SALL3: variants seen among roughly 807,000 people sequenced by gnomAD.
SALL3 encodes the protein sal-like protein 3.
In SALL3, 25 loss-of-function variants were observed where a neutral mutation model predicts 66.2. The observed-to-expected ratio is 0.38, with a 90% CI of 0.28 to 0.53. SALL3 has a LOEUF of 0.53. SALL3 is among the 20% of genes least tolerant of loss of function. The probability of loss-of-function intolerance (pLI) is 0.85; values close to 1 mark genes in which losing one functional copy is unlikely to be tolerated. For missense variants in SALL3, 2,194 were observed against 1,916.5 expected, an observed-to-expected ratio of 1.14 and a Z score of -2.70; for synonymous variants, 1,152 against 899.1, an observed-to-expected ratio of 1.28 and a Z score of -5.03.
chr18:78,989,067 T>A (rs1359837522), intron 1 of SALL3, among the ~76,000 whole-genome samples: 1 of 152,204 alleles, frequency 6.6e-6, no homozygotes, highest in Non-Finnish European at 1.5e-5. Flanking sequence ...TTATTTTACT[T>A]TGAAAAGAAT....
chr18:78,990,267 CCT>C (rs1914384030), intron 1 of SALL3, among the ~76,000 whole-genome samples: 1 of 152,204 alleles, frequency 6.6e-6, no homozygotes. Context: ...AGTAATGAGA[CCT>C]CTTGCTGCAG....
In SALL3 at chr18:78,995,438, C is replaced by T; in HGVS notation, c.3447C>T (p.Ala1149=). ...TCGGCTGCACCATCTGCGGCCGGGC[C>T]TTCACCACTAAGGGCAACCTCAAGG... ...KPFGCTICGR[A]FTTKGNLKVH... The change falls in exon 2 of 3, where the codon GCC becomes GCT. Residue 1149 remains alanine, a synonymous_variant. Coordinates refer to ENST00000537592, the MANE Select transcript of SALL3 (RefSeq NM_171999.4). 6.3e-7 allele frequency: 1 copy of T among 1,580,054 alleles called. No homozygotes were observed. Among genetic ancestry groups the T allele is most frequent in the Non-Finnish European group, 8.5e-7 (1 of 1,170,920 alleles).
At position 78,992,828 on chromosome 18, in the gene SALL3, C is replaced by A. The variant is rs1304432227; in HGVS notation, c.837C>A (p.Gly279=). Residue 279 remains glycine, a synonymous_variant, in exon 2 of 3, where the codon GGC becomes GGA. Coordinates refer to ENST00000537592, the MANE Select transcript of SALL3 (RefSeq NM_171999.4). The stretch of plus-strand genomic sequence containing the variant: ...CTGCCGCCGCCATCGCGGGCTCGGG[C>A]CCCGCCGCCCCGGCCGCCTTCGAGG... ...GAPAAAIAGS[G]PAAPAAFEGA... The A allele has an allele frequency of 7.1e-6, 7 of 979,640 alleles. No homozygotes were observed. The highest frequency in any genetic ancestry group is 8.5e-6 in the Non-Finnish European group (7 of 827,850). 60.7% of individuals were successfully genotyped at this position (979,640 alleles called of 1,614,324 possible).
intron 1 of SALL3, among the ~76,000 whole-genome samples, chr18:78,986,381 C>T (rs1030881707): frequency 2.6e-5 from 4 of 152,102 alleles, no homozygotes; most frequent in Admixed American, 6.5e-5. Context: ...CAGCGCTGTG[C>T]GTACACACTC....
Position 78,995,341 on chromosome 18 carries a change from C to T in SALL3, c.3350C>T (p.Ser1117Leu). The T allele has an allele frequency of 6.4e-7, 1 of 1,572,324 alleles. No individual in the cohort carries two copies. The highest frequency in any genetic ancestry group is 8.6e-7 in the Non-Finnish European group (1 of 1,165,552). Residue 1117 changes from serine to leucine, a missense_variant, in exon 2 of 3, where the codon TCG (serine) becomes TTG (leucine). Physicochemically the swap from Ser to Leu is moderately radical, Grantham distance 145. Transcript: ENST00000537592. ...RRTPKQHNCQ[S>L]CGKTFSSASA... The stretch of plus-strand genomic sequence containing the variant: ...ACGCCCAAGCAGCACAACTGCCAGT[C>T]GTGCGGGAAGACCTTCTCCTCGGCC...
At chr18:78,983,117 T>C (rs1233927656) in intron 1 of SALL3, among the ~76,000 whole-genome samples, 1 of 150,990 alleles carries the variant, frequency 6.6e-6, no homozygotes, top group Admixed American at 6.6e-5. Flanking sequence ...AGTTCTAAAG[T>C]CATGCTTTTG....
In SALL3 at chr18:78,992,163, G is replaced by A. The variant is rs1475797062; in HGVS notation, c.172G>A (p.Ala58Thr). The change falls in exon 2 of 3, where the codon GCC (alanine) becomes ACC (threonine). Residue 58 changes from alanine (A) to threonine (T), a missense_variant. Coordinates refer to ENST00000537592, the MANE Select transcript of SALL3 (RefSeq NM_171999.4). ...GACCAGCGTGTGCGAGAAATGCTGCGCCGAGTTCTTCAAGTGGGCGGACTT... is the reference window on the plus strand; with the variant it reads ...GACCAGCGTGTGCGAGAAATGCTGCACCGAGTTCTTCAAGTGGGCGGACTT... ...EETSVCEKCC[A>T]EFFKWADFLE... The A allele has an allele frequency of 1.9e-6, 3 of 1,609,210 alleles. No homozygotes were observed. The Admixed American group carries it at 5.0e-5, about 27-fold the overall frequency.
At position 78,980,012 on chromosome 18, in the gene SALL3, C is replaced by T. The variant is rs1913940184; in HGVS notation, c.-263C>T. ...GGTCCCGAGGCGCCGCGGCCCCCTC[C>T]TCGTCGGCGCGGCCGCTAATTGCGA... On this transcript the variant is annotated 5_prime_UTR_variant, in exon 1 of 3. Coordinates refer to ENST00000537592, the MANE Select transcript of SALL3 (RefSeq NM_171999.4). Among the ~76,000 whole-genome samples, 1 of 145,692 alleles carries T rather than the reference C, an allele frequency of 6.9e-6. No homozygotes were observed.
chr18:78,989,597 C>T (rs1914357918), intron 1 of SALL3, among the ~76,000 whole-genome samples: 1 of 152,106 alleles, frequency 6.6e-6, no homozygotes, highest in African/African-American at 2.4e-5. Flanking sequence ...AAAAAGTATT[C>T]TTTTAATAAG....
At position 78,994,486 on chromosome 18, in the gene SALL3, C is replaced by T. The variant is rs1365261213; in HGVS notation, c.2495C>T (p.Ser832Phe). 12 of 1,609,878 alleles carry T rather than the reference C, an allele frequency of 7.5e-6. No homozygotes were observed. The highest frequency in any genetic ancestry group is 2.2e-5 in the South Asian group (2 of 91,004). Residue 832 changes from serine (S) to phenylalanine (F), a missense_variant, in exon 2 of 3, where the codon TCC (serine) becomes TTC (phenylalanine). Transcript: ENST00000537592. ...TCCTACGCGGGGTCCTGCCCGCCCT[C>T]CCCGCCCTCGGTCATCTCCAGCATT... ...LLSYAGSCPPSPPSVISSIAA... is the reference protein window; with the variant it reads ...LLSYAGSCPPFPPSVISSIAA...
At chr18:78,983,783 ACAGG>A (rs1914151873) in intron 1 of SALL3, among the ~76,000 whole-genome samples, 1 of 152,236 alleles carries the variant, frequency 6.6e-6, no homozygotes, top group Non-Finnish European at 1.5e-5. Flanking sequence ...TCTAACATTC[ACAGG>A]CAGATTGCTT....
chr18:78,983,251 C>T lies in SALL3; in HGVS notation c.82+2895C>T, dbSNP rs530638770. On this transcript the variant is annotated intron_variant, in intron 1 of 2. Coordinates refer to ENST00000537592, the MANE Select transcript of SALL3 (RefSeq NM_171999.4). ...CGCTGCAGCTTTAGGATCCAGTGAACTTTGCGCCACTAGTAATCCTGTGAG... is the reference window on the plus strand; with the variant it reads ...CGCTGCAGCTTTAGGATCCAGTGAATTTTGCGCCACTAGTAATCCTGTGAG... Among the ~76,000 whole-genome samples the T allele has an allele frequency of 5.3e-5, 8 of 152,302 alleles. No individual in the cohort carries two copies. The South Asian group carries it at 1.5e-3, about 28-fold the overall frequency.
intron 1 of SALL3, chr18:78,984,989 G>C (rs1415903027): frequency 1.3e-5 from 2 of 152,232 alleles, no homozygotes; most frequent in Non-Finnish European, 2.9e-5. Context: ...CAGCCAGCTC[G>C]GCGCAGAAAG....
At position 78,995,235 on chromosome 18, in the gene SALL3, G is replaced by C; in HGVS notation, c.3244G>C (p.Ala1082Pro). ...GCTGGGCGAGGGTCCCCCGCTGCCC[G>C]CGGGCGTCCAGGTCCCCGCCGGGCC... ...MALGEGPPLPAGVQVPAGPQT... is the reference protein window; with the variant it reads ...MALGEGPPLPPGVQVPAGPQT... Residue 1082 changes from alanine (A) to proline (P), a missense_variant, in exon 2 of 3, where the codon GCG (alanine) becomes CCG (proline). By Grantham distance (27) the Ala-to-Pro change is conservative. Transcript: ENST00000537592. 6.2e-7 allele frequency: 1 copy of C among 1,603,672 alleles called. No homozygotes were observed. Among genetic ancestry groups the C allele is most frequent in the Non-Finnish European group, 8.5e-7 (1 of 1,179,134 alleles).
At chr18:78,981,334 C>T (rs1340041546) in intron 1 of SALL3, among the ~76,000 whole-genome samples, 1 of 152,164 alleles carries the variant, frequency 6.6e-6, no homozygotes, top group African/African-American at 2.4e-5. Context: ...AGGGGCGACC[C>T]CACGACCCCG....
chr18:78,995,228 G>A lies in SALL3; in HGVS notation c.3237G>A (p.Pro1079=), dbSNP rs749649738. ...CCATGGCGCTGGGCGAGGGTCCCCCGCTGCCCGCGGGCGTCCAGGTCCCCG... is the reference window on the plus strand; with the variant it reads ...CCATGGCGCTGGGCGAGGGTCCCCCACTGCCCGCGGGCGTCCAGGTCCCCG... ...GKAMALGEGP[P]LPAGVQVPAG... is the part of the protein sequence containing the mutation. The change falls in exon 2 of 3, where the codon CCG becomes CCA. Residue 1079 remains proline (P), a synonymous_variant. Coordinates refer to ENST00000537592, the MANE Select transcript of SALL3 (RefSeq NM_171999.4). 23 of 1,604,998 alleles carry A rather than the reference G, an allele frequency of 1.4e-5. No homozygotes were observed. The highest frequency in any genetic ancestry group is 1.3e-4 in the South Asian group (12 of 91,006).
intron 1 of SALL3, among the ~76,000 whole-genome samples, chr18:78,986,248 CAGTT>C (rs1298471990): frequency 1.3e-5 from 2 of 152,202 alleles, no homozygotes; most frequent in African/African-American, 4.8e-5. Flanking sequence ...AAGCAGAAGA[CAGTT>C]GGTGACTGTG....
In SALL3 at chr18:78,993,048, G is replaced by C; in HGVS notation, c.1057G>C (p.Gly353Arg). 1.3e-6 allele frequency: 2 copies of C among 1,582,780 alleles called. No individual in the cohort carries two copies. Among genetic ancestry groups the C allele is most frequent in the Non-Finnish European group, 1.7e-6 (2 of 1,171,112 alleles). The stretch of plus-strand genomic sequence containing the variant: ...TGCCCTGGCCCCGGGGTCCCTGCTG[G>C]GTGCGGCGCCCGGCCTGCCAAGTCC... The part of the protein sequence containing the change: ...PPALAPGSLL[G>R]AAPGLPSPLL... The change falls in exon 2 of 3, where the codon GGT (glycine) becomes CGT (arginine). Residue 353 changes from glycine to arginine, a missense_variant. By Grantham distance (125) the Gly-to-Arg change is moderately radical (BLOSUM62 -2). Coordinates refer to ENST00000537592, the MANE Select transcript of SALL3 (RefSeq NM_171999.4).
At chr18:78,985,818 G>C (rs1378663506) in intron 1 of SALL3, among the ~76,000 whole-genome samples, 1 of 152,186 alleles carries the variant, frequency 6.6e-6, no homozygotes, top group African/African-American at 2.4e-5. Context: ...AAGTAGGCAT[G>C]TCATGAAATA....
Sources: gnomAD v4.1 joint callset for allele counts (sites outside exome capture counted in the v4.1 genomes callset) on GRCh38, gnomAD v4.1.1 for gene constraint, MANE v1.5 for transcripts, NCBI Gene and HGNC (gene_info 2026-07-23, HGNC 2026-07-21) for gene names.